Variants in DACH2 observed in about 807,000 individuals in gnomAD.
DACH2 encodes the protein dachshund homolog 2.
DACH2 carries 17 observed loss-of-function variants against 35.8 expected under a neutral mutation model. The observed-to-expected ratio is 0.48, with a 90% confidence interval of 0.33 to 0.71. The LOEUF is 0.71. Among genes scored for constraint, DACH2 ranks in the 30% least tolerant of loss-of-function variants. The pLI is 0.02. For missense variants in DACH2, 469 were observed against 472.7 expected, an observed-to-expected ratio of 0.99 and a Z score of 0.07; for synonymous variants, 195 against 177.3, an observed-to-expected ratio of 1.10 and a Z score of -0.79.
intron 4 of DACH2, among the ~76,000 whole-genome samples, chrX:86,664,794 G>C (rs2040647548): frequency 8.9e-6 from 1 of 112,124 alleles, no homozygotes; most frequent in Non-Finnish European, 1.9e-5. Flanking sequence ...GATCCATATT[G>C]TAACCTTTCA....
At chrX:86,494,627 C>A (rs2038140473) in intron 2 of DACH2, among the ~76,000 whole-genome samples, 1 of 112,524 alleles carries the variant, frequency 8.9e-6, no homozygotes, top group South Asian at 3.6e-4. Flanking sequence ...GAAATCTCAT[C>A]AATATGTTTA....
chrX:86,514,462 A>ATCTAACT, intron 3 of DACH2, 71 bp downstream of exon 3: 2 of 933,154 alleles, frequency 2.1e-6, no homozygotes, highest in Non-Finnish European at 3.0e-6. Context: ...ACCAATATTG[A>ATCTAACT]TCTAACTGCC....
At chrX:86,401,863 A>T (rs2036440028) in intron 2 of DACH2, among the ~76,000 whole-genome samples, 1 of 111,968 alleles carries the variant, frequency 8.9e-6, no homozygotes. Flanking sequence ...TATTCCCAGG[A>T]TGCAATGTTG....
chrX:86,747,456 T>C (rs1376071387), intron 7 of DACH2, among the ~76,000 whole-genome samples: 1 of 111,362 alleles, frequency 9.0e-6, no homozygotes, highest in Admixed American at 9.6e-5. Context: ...ATCATGTATT[T>C]GGTTCCAGAC....
At chrX:86,474,928 T>C (rs1340910369) in intron 2 of DACH2, among the ~76,000 whole-genome samples, 1 of 111,080 alleles carries the variant, frequency 9.0e-6, no homozygotes, top group Non-Finnish European at 1.9e-5. Flanking sequence ...GAGACAGAGT[T>C]TCACGATGTT....
At chrX:86,623,811 A>T (rs1172910683) in intron 3 of DACH2, among the ~76,000 whole-genome samples, 7 of 97,597 alleles carry the variant, frequency 7.2e-5, no homozygotes, top group Non-Finnish European at 4.3e-5. Context: ...GCACTTTGGG[A>T]GGCCGAGACG....
intron 2 of DACH2, among the ~76,000 whole-genome samples, chrX:86,494,866 A>G (rs897590738): frequency 9.8e-5 from 11 of 112,713 alleles, no homozygotes; most frequent in Non-Finnish European, 1.7e-4. Context: ...CAATGGAAAT[A>G]TAATGTGAGT....
At chrX:86,537,355 G>T (rs1251678242) in intron 3 of DACH2, among the ~76,000 whole-genome samples, 1 of 111,388 alleles carries the variant, frequency 9.0e-6, no homozygotes, top group Non-Finnish European at 1.9e-5. Flanking sequence ...CCTCTGGCCT[G>T]TGATGGGAAG....
At chrX:86,265,110 T>C (rs945985972) in intron 1 of DACH2, among the ~76,000 whole-genome samples, 4 of 111,569 alleles carry the variant, frequency 3.6e-5, no homozygotes, top group African/African-American at 1.3e-4. Flanking sequence ...AGAAAATCAG[T>C]GCATACTATG....
chrX:86,293,833 G>T (rs1196192588), intron 1 of DACH2, among the ~76,000 whole-genome samples: 2 of 110,859 alleles, frequency 1.8e-5, no homozygotes, highest in Non-Finnish European at 3.8e-5. Flanking sequence ...GTAACCCTAT[G>T]TTTCTCTCTG....
At chrX:86,396,980 C>T (rs1402636877) in intron 2 of DACH2, among the ~76,000 whole-genome samples, 2 of 110,920 alleles carry the variant, frequency 1.8e-5, no homozygotes, top group Non-Finnish European at 3.8e-5. Context: ...TGACCTTGGG[C>T]AGTATGGCCA....
chrX:86,436,936 A>G (rs1355152936), intron 2 of DACH2, among the ~76,000 whole-genome samples: 2 of 111,108 alleles, frequency 1.8e-5, no homozygotes, highest in Non-Finnish European at 3.8e-5. Flanking sequence ...TGTTAATAAT[A>G]TTCATATATA....
chrX:86,810,173 T>G (rs2042381687), intron 7 of DACH2, among the ~76,000 whole-genome samples: 2 of 111,609 alleles, frequency 1.8e-5, no homozygotes, highest in Non-Finnish European at 3.8e-5. Context: ...TTCAGCCAAT[T>G]TAATGGCATT....
intron 3 of DACH2, among the ~76,000 whole-genome samples, chrX:86,544,626 A>G (rs2038932482): frequency 9.0e-6 from 1 of 111,404 alleles, no homozygotes; most frequent in African/African-American, 3.3e-5. Context: ...CAGGCCTTAC[A>G]AGAGGTCCTG....
At chrX:86,300,534 G>A (rs1458550423) in intron 1 of DACH2, among the ~76,000 whole-genome samples, 7 of 107,319 alleles carry the variant, frequency 6.5e-5, no homozygotes. Flanking sequence ...CTGTTGTGGG[G>A]TGGGGGAAGG....
intron 2 of DACH2, among the ~76,000 whole-genome samples, chrX:86,452,600 G>C (rs1282092728): frequency 9.0e-6 from 1 of 111,538 alleles, no homozygotes; most frequent in Non-Finnish European, 1.9e-5. Context: ...ACATTTTCTA[G>C]TTTATGTGCA....
chrX:86,776,900 C>T (rs1374718624), intron 7 of DACH2, among the ~76,000 whole-genome samples: 3 of 111,537 alleles, frequency 2.7e-5, no homozygotes, highest in Non-Finnish European at 3.8e-5. Context: ...ATCCATGTCC[C>T]GACAAAGGAT....
intron 3 of DACH2, among the ~76,000 whole-genome samples, chrX:86,639,088 T>C (rs2040313769): frequency 8.9e-6 from 1 of 111,863 alleles, no homozygotes; most frequent in Non-Finnish European, 1.9e-5. Context: ...AAGCAGCTAG[T>C]GTGTGTGGTT....
chrX:86,257,742 G>GA (rs779107576), intron 1 of DACH2, among the ~76,000 whole-genome samples: 8 of 110,895 alleles, frequency 7.2e-5, no homozygotes, highest in East Asian at 5.7e-4. Context: ...AGAAGCAAAG[G>GA]AAAAAAAATG....
Sources: allele counts gnomAD v4.1 joint callset (sites outside exome capture counted in the v4.1 genomes callset), GRCh38; gene constraint gnomAD v4.1.1; transcripts MANE v1.5; gene names NCBI Gene and HGNC (gene_info 2026-07-23, HGNC 2026-07-21).